CAMTA1: variants seen among roughly 807,000 people sequenced by gnomAD.
CAMTA1 encodes the protein calmodulin-binding transcription activator 1.
Under a neutral mutation model 170.9 loss-of-function variants are expected in CAMTA1, and 27 were observed. The observed-to-expected ratio is 0.16, with a 90% CI of 0.12 to 0.22. The LOEUF (loss-of-function observed/expected upper bound fraction) is 0.22, where lower values mean the gene tolerates loss of function less well. Ranked by LOEUF, CAMTA1 falls within the 10% of genes least tolerant of loss-of-function variation. The pLI, the probability that CAMTA1 is intolerant of heterozygous loss-of-function variation, is 1.00. For synonymous variants in CAMTA1, 833 were observed against 891.5 expected (o/e 0.93, Z 1.17); for missense variants, 1,619 against 2,217.2 (o/e 0.73, Z 5.42).
At chr1:7,735,700 T>C (rs1387643861) in intron 12 of CAMTA1, among the ~76,000 whole-genome samples, 7 of 152,156 alleles carry the variant, frequency 4.6e-5, no homozygotes, top group Non-Finnish European at 8.8e-5. Flanking sequence ...TTCAGAGAAG[T>C]GCTACTGAGC....
intron 5 of CAMTA1, among the ~76,000 whole-genome samples, chr1:7,354,389 T>G (rs1028619429): frequency 2.6e-5 from 4 of 152,066 alleles, no homozygotes; most frequent in Non-Finnish European, 5.9e-5. Context: ...GACCTCGTGA[T>G]CCGCCCGCCT....
chr1:7,665,096 A>C lies in CAMTA1; in HGVS notation c.2549A>C (p.Glu850Ala), dbSNP rs774345587. Reference protein sequence around the residue: ...ASTMAYMHVAEVVSAASAQGT... With the variant: ...ASTMAYMHVAAVVSAASAQGT... Reference sequence around the variant, plus strand: ...ACCATGGCCTACATGCACGTCGCCGAGGTGGTCTCGGCCGCCTCGGCCCAG... The same window carrying C: ...ACCATGGCCTACATGCACGTCGCCGCGGTGGTCTCGGCCGCCTCGGCCCAG... Residue 850 changes from glutamate to alanine, a missense_variant, in exon 9 of 23, where the codon GAG (glutamate) becomes GCG (alanine). Physicochemically the swap from Glu to Ala is moderately radical, Grantham distance 107. Coordinates refer to ENST00000303635, the MANE Select transcript of CAMTA1 (RefSeq NM_015215.4). This position sits in a 1 kb window ranked among gnomAD's most constrained non-coding sequence, Gnocchi z 4.3. 6.5e-7 allele frequency: 1 copy of C among 1,542,088 alleles called. No homozygotes were observed. The highest frequency in any genetic ancestry group is 2.3e-5 in the East Asian group (1 of 44,200).
intron 4 of CAMTA1, among the ~76,000 whole-genome samples, chr1:7,135,324 G>T (rs1645480717): frequency 6.6e-6 from 1 of 152,158 alleles, no homozygotes; most frequent in Non-Finnish European, 1.5e-5. Flanking sequence ...GGAGGCAGAG[G>T]TTGCAGTGAG....
chr1:7,371,239 T>TTTTGTTTG (rs61520755), intron 5 of CAMTA1, among the ~76,000 whole-genome samples: 19 of 147,244 alleles, frequency 1.3e-4, no homozygotes, highest in African/African-American at 4.8e-4. Context: ...ATGCTCTGGG[T>TTTTGTTTG]TTTGTTTGTT....
intron 11 of CAMTA1, among the ~76,000 whole-genome samples, chr1:7,724,719 A>C (rs867477172): frequency 6.7e-6 from 1 of 150,182 alleles, no homozygotes; most frequent in Non-Finnish European, 1.5e-5. Context: ...GCTACTCGGG[A>C]GGCTGAGGCA....
chr1:7,446,629 G>A (rs1402233123), intron 5 of CAMTA1, among the ~76,000 whole-genome samples: 5 of 152,194 alleles, frequency 3.3e-5, no homozygotes, highest in East Asian at 1.9e-4. Context: ...GCTGGGAGCC[G>A]AACCCATGTT....
Position 7,685,772 on chromosome 1 carries a change from G to A in CAMTA1, c.2914+8039G>A, listed in dbSNP as rs1386141141. On this transcript the variant is annotated intron_variant, in intron 11 of 22. Transcript: ENST00000303635. The surrounding 1 kb of genome is among the most constrained non-coding windows in gnomAD (Gnocchi z 5.7). Reference sequence around the variant, plus strand: ...CTTGGATCCAGGCCATCCATCTAACGGCCTACAGGGCAGCTTGACCCACGT... The same window carrying A: ...CTTGGATCCAGGCCATCCATCTAACAGCCTACAGGGCAGCTTGACCCACGT... 1.3e-5 allele frequency among the ~76,000 whole-genome samples: 2 copies of A among 152,066 alleles called. No homozygotes were observed. The highest frequency in any genetic ancestry group is 2.9e-5 in the Non-Finnish European group (2 of 68,012).
intron 11 of CAMTA1, chr1:7,694,591 G>T (rs112434103): frequency 0.016 from 2,463 of 152,878 alleles, 29 homozygotes; most frequent in Middle Eastern, 0.074. Flanking sequence ...GGCACCCCTG[G>T]CTCAAGCAAT....
At chr1:7,514,655 C>CA (rs1389753999) in intron 6 of CAMTA1, among the ~76,000 whole-genome samples, 5 of 152,208 alleles carry the variant, frequency 3.3e-5, no homozygotes, top group Non-Finnish European at 5.9e-5. Flanking sequence ...GGTAAGGCCC[C>CA]AAGGGGCAGA....
At chr1:6,888,312 C>G (rs922858809) in intron 3 of CAMTA1, 4 of 940,508 alleles carry the variant, frequency 4.3e-6, no homozygotes, top group Non-Finnish European at 3.8e-6. Flanking sequence ...AAGCATAAAG[C>G]TTTTGTTGTG....
intron 3 of CAMTA1, among the ~76,000 whole-genome samples, chr1:7,033,278 C>CT (rs1406008141): frequency 1.3e-5 from 2 of 152,080 alleles, no homozygotes; most frequent in Non-Finnish European, 2.9e-5. Context: ...TTAGTGGTGT[C>CT]TAATTGTCTG....
intron 3 of CAMTA1, among the ~76,000 whole-genome samples, chr1:6,865,922 T>C (rs1666432665): frequency 6.6e-6 from 1 of 152,246 alleles, no homozygotes; most frequent in Non-Finnish European, 1.5e-5. Context: ...CCAGTGTGGC[T>C]TTATTCTTTA....
At chr1:7,171,942 C>CTTA (rs368080876) in intron 4 of CAMTA1, among the ~76,000 whole-genome samples, 46 of 152,366 alleles carry the variant, frequency 3.0e-4, no homozygotes, top group African/African-American at 1.1e-3. Context: ...CATGTCAGTG[C>CTTA]TTAGTTCCTC....
chr1:7,297,140 T>A (rs1299858683), intron 5 of CAMTA1, among the ~76,000 whole-genome samples: 1 of 152,230 alleles, frequency 6.6e-6, no homozygotes, highest in African/African-American at 2.4e-5. Context: ...CTCTTTGAGT[T>A]TGTTAAATCT....
intron 3 of CAMTA1, among the ~76,000 whole-genome samples, chr1:7,028,944 C>T (rs1437912563): frequency 6.6e-6 from 1 of 152,142 alleles, no homozygotes; most frequent in African/African-American, 2.4e-5. Context: ...TGATATGGCA[C>T]AATTTCAGAG....
intron 5 of CAMTA1, among the ~76,000 whole-genome samples, chr1:7,342,285 G>T (rs191976495): frequency 6.6e-6 from 1 of 152,160 alleles, no homozygotes; most frequent in Admixed American, 6.5e-5. Flanking sequence ...GAGCCCGGGG[G>T]TCCCCTGGGC....
rs558812118 is a variant in CAMTA1, at chr1:7,011,539, G to A, written c.235-79765G>A. Among the ~76,000 whole-genome samples, 6 of 152,192 alleles carry A rather than the reference G, an allele frequency of 3.9e-5. No homozygotes were observed. In the East Asian group the frequency reaches 1.2e-3, roughly 30 times the overall value. The stretch of plus-strand genomic sequence containing the variant: ...CCCCCATGCCATGAACATGGCGGGG[G>A]GGCCCTCTCCTCATTCCAGACCCAG... On this transcript the variant is annotated intron_variant, in intron 3 of 22. Coordinates refer to ENST00000303635, the MANE Select transcript of CAMTA1 (RefSeq NM_015215.4).
intron 5 of CAMTA1, among the ~76,000 whole-genome samples, chr1:7,377,102 A>G (rs959630855): frequency 5.9e-5 from 9 of 152,156 alleles, no homozygotes; most frequent in Non-Finnish European, 1.3e-4. Context: ...CCCAGTCCCA[A>G]CACATAGGGA....
intron 3 of CAMTA1, among the ~76,000 whole-genome samples, chr1:6,944,797 A>G (rs1306219868): frequency 6.6e-6 from 1 of 152,210 alleles, no homozygotes; most frequent in Non-Finnish European, 1.5e-5. Flanking sequence ...CAATGGTGAA[A>G]GTGATACGCA....
Sources: gnomAD v4.1 joint callset for allele counts (sites outside exome capture counted in the v4.1 genomes callset) on GRCh38, gnomAD v4.1.1 for gene constraint, Gnocchi (gnomAD v3.1) non-coding constraint, MANE v1.5 for transcripts, NCBI Gene and HGNC (gene_info 2026-07-23, HGNC 2026-07-21) for gene names.